TMEM94: variants seen among roughly 807,000 people sequenced by gnomAD.
TMEM94 encodes ER Mg2+ ATPase.
In TMEM94, 81 loss-of-function variants were observed where a neutral mutation model predicts 158.6. That is an observed-to-expected ratio of 0.51 (90% confidence interval 0.43 to 0.61). The LOEUF (loss-of-function observed/expected upper bound fraction) is 0.61. Ranked by LOEUF, TMEM94 falls within the 20% of genes least tolerant of loss-of-function variation. The probability of loss-of-function intolerance (pLI) is 0.00; values close to 1 mark genes in which losing one functional copy is unlikely to be tolerated. For synonymous variants in TMEM94, 751 were observed against 730.7 expected (o/e 1.03, Z -0.45); for missense variants, 1,435 against 1,762.0 (o/e 0.81, Z 3.32).
In TMEM94 at chr17:75,496,476, G is replaced by A; in HGVS notation, c.3243+5G>A. On this transcript the variant is annotated splice_donor_5th_base_variant and intron_variant, in intron 24 of 31. Coordinates refer to ENST00000314256, the MANE Select transcript of TMEM94 (RefSeq NM_014738.6). ...ATCATCCGGCTTATCGAACAGGTGG[G>A]TGCTTCGGCAGGCAAAGGAGGAGAG... 6.2e-7 allele frequency: 1 copy of A among 1,609,930 alleles called. No homozygotes were observed. The highest frequency in any genetic ancestry group is 1.1e-5 in the South Asian group (1 of 90,962).
intron 1 of TMEM94, among the ~76,000 whole-genome samples, chr17:75,463,069 T>C (rs2050148648): frequency 6.6e-5 from 1 of 15,130 alleles, no homozygotes; most frequent in African/African-American, 8.3e-4. Flanking sequence ...TATATATATA[T>C]ATATATATAT....
chr17:75,492,293 A>G lies in TMEM94; in HGVS notation c.1597-181A>G. The G allele has an allele frequency of 7.0e-7, 1 of 1,427,890 alleles. No individual in the cohort carries two copies. 88.5% of individuals were successfully genotyped at this position (1,427,890 alleles called of 1,614,324 possible). A position where few individuals can be genotyped will look rare whatever the true frequency, so the allele number is the denominator to read the frequency against. Reference sequence around the variant, plus strand: ...AGTCCATAGAAGCAGACAGGAGCCCAAGAAGGACAGGAAGCGGATTTCAGG... The same window carrying G: ...AGTCCATAGAAGCAGACAGGAGCCCGAGAAGGACAGGAAGCGGATTTCAGG... On this transcript the variant is annotated intron_variant, in intron 14 of 31. Coordinates refer to ENST00000314256, the MANE Select transcript of TMEM94 (RefSeq NM_014738.6). The surrounding 1 kb of genome is among the most constrained non-coding windows in gnomAD (Gnocchi z 4.4).
At position 75,492,729 on chromosome 17, in the gene TMEM94, C is replaced by T; in HGVS notation, c.1852C>T (p.His618Tyr). Residue 618 changes from histidine (H) to tyrosine (Y), a missense_variant, in exon 15 of 32, where the codon CAC becomes TAC. This residue lies in a region of TMEM94 where 1,051 missense variants were observed against 1,254.4 expected (regional missense o/e 0.84). Coordinates refer to ENST00000314256, the MANE Select transcript of TMEM94 (RefSeq NM_014738.6). The surrounding 1 kb of genome is among the most constrained non-coding windows in gnomAD (Gnocchi z 4.4). The stretch of plus-strand genomic sequence containing the variant: ...GTGCAACATCGCCCTGCAAGAGAGC[C>T]ACAGCGCCGTGCTGCCCGTCCATGT... ...HLCNIALQES[H>Y]SAVLPVHVPW... The T allele has an allele frequency of 1.2e-5, 19 of 1,611,066 alleles. No homozygotes were observed. The highest frequency in any genetic ancestry group is 1.6e-5 in the Non-Finnish European group (19 of 1,179,992).
intron 1 of TMEM94, among the ~76,000 whole-genome samples, chr17:75,467,619 G>A (rs983477943): frequency 2.9e-5 from 4 of 139,974 alleles, no homozygotes; most frequent in African/African-American, 1.1e-4. Context: ...TGCAAGCTCC[G>A]CTTCCCGGGT....
intron 27 of TMEM94, 102 bp downstream of exon 27, chr17:75,497,964 T>C (rs1162529267): frequency 8.1e-7 from 1 of 1,235,350 alleles, no homozygotes. Context: ...GATGGGGGAT[T>C]CCAGCAGAAC....
chr17:75,490,459 G>T, intron 10 of TMEM94, 109 bp downstream of exon 10: 1 of 1,290,426 alleles, frequency 7.7e-7, no homozygotes, highest in South Asian at 1.4e-5. Flanking sequence ...TCGGCATGTT[G>T]GTCAGCCTGG....
At position 75,493,093 on chromosome 17, in the gene TMEM94, A is replaced by G. The variant is rs2052362182; in HGVS notation, c.2077A>G (p.Thr693Ala). The G allele has an allele frequency of 6.2e-7, 1 of 1,612,910 alleles. No homozygotes were observed. The highest frequency in any genetic ancestry group is 2.2e-5 in the East Asian group (1 of 44,866). ...SHMISLFIKD[T>A]TTSTEQMLSH... Reference sequence around the variant, plus strand: ...CATGATCAGCCTCTTCATTAAAGACACCACCACCAGTGAGCCCTGGCTACG... The same window carrying G: ...CATGATCAGCCTCTTCATTAAAGACGCCACCACCAGTGAGCCCTGGCTACG... The change falls in exon 16 of 32, where the codon ACC becomes GCC. Residue 693 changes from threonine to alanine, a missense_variant. Thr to Ala is a moderately conservative substitution (Grantham distance 58, BLOSUM62 0). Coordinates refer to ENST00000314256, the MANE Select transcript of TMEM94 (RefSeq NM_014738.6).
intron 1 of TMEM94, among the ~76,000 whole-genome samples, chr17:75,466,342 A>T (rs1031386967): frequency 3.9e-5 from 6 of 152,182 alleles, no homozygotes; most frequent in African/African-American, 1.2e-4. Flanking sequence ...TTGTATCAGT[A>T]CCACATGTTT....
chr17:75,464,054 A>C (rs912615477), intron 1 of TMEM94, among the ~76,000 whole-genome samples: 2 of 152,186 alleles, frequency 1.3e-5, no homozygotes, highest in African/African-American at 4.8e-5. Flanking sequence ...TTAGAAGGAC[A>C]GCCAACTCCT....
intron 1 of TMEM94, among the ~76,000 whole-genome samples, chr17:75,463,104 G>GTATATATA (rs1330217321): frequency 1.7e-3 from 15 of 8,758 alleles, no homozygotes; most frequent in African/African-American, 0.016. Context: ...ATATATATGT[G>GTATATATA]TGTATATATA....
intron 2 of TMEM94, among the ~76,000 whole-genome samples, chr17:75,484,794 T>C (rs929899932): frequency 6.6e-6 from 1 of 152,006 alleles, no homozygotes; most frequent in Non-Finnish European, 1.5e-5. Context: ...CCCAGCACTT[T>C]GGGAGGCCAA....
At chr17:75,497,236 A>G in intron 26 of TMEM94, 38 bp downstream of exon 26, 5 of 1,531,130 alleles carry the variant, frequency 3.3e-6, no homozygotes, top group African/African-American at 1.4e-5. Context: ...CCCATGCCTA[A>G]GCAGGAGGTG....
chr17:75,484,144 G>A (rs949590401), intron 2 of TMEM94, among the ~76,000 whole-genome samples: 2 of 152,180 alleles, frequency 1.3e-5, no homozygotes, highest in Non-Finnish European at 2.9e-5. Flanking sequence ...TTGGTGAGAT[G>A]GGAGTGTGCC....
chr17:75,490,911 C>T (rs1345315844), intron 11 of TMEM94, 138 bp from the exon 12 acceptor site: 6 of 924,912 alleles, frequency 6.5e-6, no homozygotes, highest in East Asian at 5.1e-5. Context: ...GTTCCCATAA[C>T]GTGTCCACAC....
rs569829607 is a variant in TMEM94, at chr17:75,491,639, C to T, written c.1387-52C>T. The T allele has an allele frequency of 1.5e-5, 24 of 1,589,790 alleles. No individual in the cohort carries two copies. In the Admixed American group the frequency reaches 3.2e-4, roughly 21 times the overall value. On this transcript the variant is annotated intron_variant, in intron 13 of 31. Transcript: ENST00000314256. This position sits in a 1 kb window ranked among gnomAD's most constrained non-coding sequence, Gnocchi z 5.1. ...CAGGGGACCTAGAAGCATCCTGCCT[C>T]CCCAGGCCATGGGAGCCACTGGTCC... is the stretch of plus-strand genomic sequence containing the variant.
chr17:75,460,001 G>A (rs990697939), intron 1 of TMEM94, among the ~76,000 whole-genome samples: 3 of 152,162 alleles, frequency 2.0e-5, no homozygotes, highest in African/African-American at 4.8e-5. Flanking sequence ...GTGGTTTGGT[G>A]ATCAGGGGTT....
In TMEM94 at chr17:75,471,927, C is replaced by T; in HGVS notation, c.22C>T (p.Leu8=). 1 of 1,613,786 alleles carries T rather than the reference C, an allele frequency of 6.2e-7. No homozygotes were observed. Among genetic ancestry groups the T allele is most frequent in the African/African-American group, 1.3e-5 (1 of 75,014 alleles). The stretch of plus-strand genomic sequence containing the variant: ...GCCCATGGACCTGAAGGAGAAGCAC[C>T]TGGTAGGCCATATCCTATTACCTTA... MDLKEKH[L]GEPPSALGLS... Residue 8 remains leucine, a splice_region_variant and synonymous_variant, in exon 2 of 32, where the codon CTG becomes TTG. Transcript: ENST00000314256.
In TMEM94 at chr17:75,492,725, G is replaced by C. The variant is rs1273998678; in HGVS notation, c.1848G>C (p.Glu616Asp). ...ACCTGTGCAACATCGCCCTGCAAGA[G>C]AGCCACAGCGCCGTGCTGCCCGTCC... ...SDHLCNIALQ[E>D]SHSAVLPVHV... The change falls in exon 15 of 32, where the codon GAG (glutamate) becomes GAC (aspartate). Residue 616 changes from glutamate (E) to aspartate (D), a missense_variant. This residue lies in a region of TMEM94 where 1,051 missense variants were observed against 1,254.4 expected (regional missense o/e 0.84). Coordinates refer to ENST00000314256, the MANE Select transcript of TMEM94 (RefSeq NM_014738.6). The surrounding 1 kb of genome is among the most constrained non-coding windows in gnomAD (Gnocchi z 4.4). 1.9e-6 allele frequency: 3 copies of C among 1,611,276 alleles called. No individual in the cohort carries two copies. Among genetic ancestry groups the C allele is most frequent in the Non-Finnish European group, 2.5e-6 (3 of 1,179,994 alleles).
chr17:75,466,997 T>C (rs540922308), intron 1 of TMEM94, among the ~76,000 whole-genome samples: 1 of 147,350 alleles, frequency 6.8e-6, no homozygotes, highest in African/African-American at 2.6e-5. Context: ...TTTTTGAGAC[T>C]GAGTTTTGTT....
Sources: allele counts gnomAD v4.1 joint callset (sites outside exome capture counted in the v4.1 genomes callset), GRCh38; gene constraint gnomAD v4.1.1; regional missense constraint gnomAD v4.1.1; non-coding constraint Gnocchi (gnomAD v3.1); transcripts MANE v1.5; gene names NCBI Gene and HGNC (gene_info 2026-07-23, HGNC 2026-07-21).